The following MYO7A variants were observed in gnomAD, a reference collection of about 807,000 sequenced individuals.
The protein encoded by MYO7A is myosin VIIA.
In MYO7A, 210 loss-of-function variants were observed where a neutral mutation model predicts 263.8. That is an observed-to-expected ratio of 0.80 (90% CI 0.71 to 0.89). MYO7A has a LOEUF of 0.89. MYO7A is among the 40% of genes least tolerant of loss of function. The pLI is 0.00. For synonymous variants in MYO7A, 1,239 were observed against 1,197.3 expected, an observed-to-expected ratio of 1.03 and a Z score of -0.72; for missense variants, 2,820 against 2,968.3, an observed-to-expected ratio of 0.95 and a Z score of 1.16.
chr11:77,134,053 C>T (rs1950843976), intron 2 of MYO7A, among the ~76,000 whole-genome samples: 2 of 152,130 alleles, frequency 1.3e-5, no homozygotes, highest in South Asian at 4.1e-4. Flanking sequence ...CCTCAGCCTC[C>T]CAAGTAGCTG....
In MYO7A at chr11:77,194,517, A is replaced by G; in HGVS notation, c.4316A>G (p.His1439Arg). 2 of 1,597,548 alleles carry G rather than the reference A, an allele frequency of 1.3e-6. No individual in the cohort carries two copies. Among genetic ancestry groups the G allele is most frequent in the Non-Finnish European group, 1.7e-6 (2 of 1,172,460 alleles). The change falls in exon 32 of 49, where the codon CAC (histidine) becomes CGC (arginine). Residue 1439 changes from histidine to arginine, a missense_variant. Coordinates refer to ENST00000409709, the MANE Select transcript of MYO7A (RefSeq NM_000260.4). ...TGGGCCCAGCTGGCCATCGCCGCCCACAAGAAGGTAGAAGGGCTGAGAGGA... is the reference window on the plus strand; with the variant it reads ...TGGGCCCAGCTGGCCATCGCCGCCCGCAAGAAGGTAGAAGGGCTGAGAGGA... ...EKWAQLAIAA[H>R]KKGIYAQRRT... is the part of the protein sequence containing the mutation.
Position 77,189,415 on chromosome 11 carries a change from G to A in MYO7A, c.3575G>A (p.Trp1192Ter). ...NPSKSSYARG[W>*]ILVSLCVGCF... ...TCCAAGAGCAGCTATGCCCGGGGCT[G>A]GATTCTCGTGTCTCTCTGCGTGGGC... The change falls in exon 28 of 49, where the codon TGG becomes TAG. Residue 1192 changes from tryptophan to a stop codon, truncating the protein, a stop_gained. Coordinates refer to ENST00000409709, the MANE Select transcript of MYO7A (RefSeq NM_000260.4). LOFTEE classifies it high-confidence loss of function. 1 of 1,613,930 alleles carries A rather than the reference G, an allele frequency of 6.2e-7. No homozygotes were observed. The highest frequency in any genetic ancestry group is 8.5e-7 in the Non-Finnish European group (1 of 1,179,898).
chr11:77,167,432 G>A (rs1457141761), intron 15 of MYO7A, among the ~76,000 whole-genome samples: 2 of 152,126 alleles, frequency 1.3e-5, no homozygotes, highest in Non-Finnish European at 2.9e-5. Flanking sequence ...TTGCAGATGA[G>A]AGACTGAGGC....
intron 39 of MYO7A, among the ~76,000 whole-genome samples, chr11:77,205,042 G>A (rs370840564): frequency 3.3e-5 from 5 of 152,186 alleles, no homozygotes; most frequent in African/African-American, 9.7e-5. Context: ...GGTCTAACTC[G>A]TTGCCACTCA....
chr11:77,205,990 G>A, intron 40 of MYO7A, 107 bp from the exon 41 acceptor site: 1 of 853,248 alleles, frequency 1.2e-6, no homozygotes, highest in East Asian at 2.7e-5. Flanking sequence ...ATCATAGGAA[G>A]TGGCAGGCGG....
At chr11:77,206,320 C>T (rs1481509042) in intron 41 of MYO7A, 118 bp downstream of exon 41, 5 of 755,668 alleles carry the variant, frequency 6.6e-6, no homozygotes, top group East Asian at 5.5e-5. Flanking sequence ...GCCTCGTCCT[C>T]CTGCCCCGTA....
In MYO7A at chr11:77,130,721, C is replaced by T. The variant is rs550749576; in HGVS notation, c.18+69C>T. ...ATATCCCCTCATCCATATGCTTACC[C>T]GTGGGACACCCTCCCCAGGGTGTTC... On this transcript the variant is annotated intron_variant, in intron 2 of 48. Transcript: ENST00000409709. 1.1e-4 allele frequency: 165 copies of T among 1,548,838 alleles called. No homozygotes were observed. In the African/African-American group the frequency reaches 1.7e-3, roughly 16 times the overall value.
At chr11:77,172,132 T>C (rs1315067070) in intron 15 of MYO7A, among the ~76,000 whole-genome samples, 2 of 151,800 alleles carry the variant, frequency 1.3e-5, no homozygotes, top group African/African-American at 4.8e-5. Flanking sequence ...TGCCCACAGG[T>C]TTCCAGAAGG....
rs2135758154 is a variant in MYO7A at position 77,208,455 on chromosome 11, T to A, written c.5882T>A (p.Phe1961Tyr). The A allele has an allele frequency of 6.2e-7, 1 of 1,613,618 alleles. No individual in the cohort carries two copies. Among genetic ancestry groups the A allele is most frequent in the Non-Finnish European group, 8.5e-7 (1 of 1,179,694 alleles). Reference sequence around the variant, plus strand: ...GTCCTCAGCGTTCCTGAGAATGACTTCTTCTTTGACTTTGTTCGACACTTG... The same window carrying A: ...GTCCTCAGCGTTCCTGAGAATGACTACTTCTTTGACTTTGTTCGACACTTG... ...DKVLSVPEND[F>Y]FFDFVRHLTD... Residue 1961 changes from phenylalanine to tyrosine, a missense_variant, in exon 43 of 49, where the codon TTC (phenylalanine) becomes TAC (tyrosine). Coordinates refer to ENST00000409709, the MANE Select transcript of MYO7A (RefSeq NM_000260.4).
chr11:77,192,322 C>T (rs1323399830), intron 31 of MYO7A, 44 bp downstream of exon 31: 37 of 1,583,698 alleles, frequency 2.3e-5, no homozygotes, highest in Non-Finnish European at 3.1e-5. Flanking sequence ...TGGCTCACAG[C>T]CTCCTGCTTT....
Position 77,213,986 on chromosome 11 carries a change from G to C in MYO7A, c.6558+7G>C. On this transcript the variant is annotated splice_region_variant and intron_variant, in intron 48 of 48. Transcript: ENST00000409709. ...GCTCTGCGAGACGTCACTGGTGAGG[G>C]CGCATCCTGCTGGGCCTAGTGGGCT... is the stretch of plus-strand genomic sequence containing the variant. 1 of 1,614,030 alleles carries C rather than the reference G, an allele frequency of 6.2e-7. No individual in the cohort carries two copies. Among genetic ancestry groups the C allele is most frequent in the Non-Finnish European group, 8.5e-7 (1 of 1,179,892 alleles).
intron 32 of MYO7A, 148 bp downstream of exon 32, chr11:77,194,672 T>G (rs1956506955): frequency 1.2e-6 from 1 of 856,066 alleles, no homozygotes; most frequent in Admixed American, 2.9e-5. Context: ...ATCAGCTCAC[T>G]CATTCTCCTT....
intron 12 of MYO7A, among the ~76,000 whole-genome samples, chr11:77,161,903 G>C (rs1555069054): frequency 4.6e-5 from 7 of 152,190 alleles, no homozygotes; most frequent in Non-Finnish European, 1.0e-4. Flanking sequence ...CTGGCTCACA[G>C]AGTGACCCTA....
chr11:77,203,157 C>T lies in MYO7A; in HGVS notation c.5266C>T (p.Leu1756=), dbSNP rs1238337322. The T allele has an allele frequency of 7.1e-6, 11 of 1,551,380 alleles. No homozygotes were observed. The East Asian group carries it at 2.4e-4, about 34-fold the overall frequency. The change falls in exon 38 of 49, where the codon CTG becomes TTG. Residue 1756 remains leucine, a synonymous_variant. Coordinates refer to ENST00000409709, the MANE Select transcript of MYO7A (RefSeq NM_000260.4). ...SHTREPLKQA[L]LKKLLGSEEL... ...CACGCGGGAACCGCTCAAGCAGGCG[C>T]TGCTCAAGAAGCTCCTGGGCAGTGA...
chr11:77,182,155 G>T lies in MYO7A; in HGVS notation c.3108+1G>T. ...CCATGACGACGAGGGTGACCAGCTG[G>T]TAAGGCCTGCCTGTCACTAGGTCAC... On this transcript the variant is annotated splice_donor_variant, in intron 24 of 48. Coordinates refer to ENST00000409709, the MANE Select transcript of MYO7A (RefSeq NM_000260.4). LOFTEE classifies it high-confidence loss of function. The T allele has an allele frequency of 6.2e-7, 1 of 1,613,168 alleles. No homozygotes were observed. The highest frequency in any genetic ancestry group is 8.5e-7 in the Non-Finnish European group (1 of 1,179,838).
chr11:77,206,325 C>A, intron 41 of MYO7A, 123 bp downstream of exon 41: 1 of 723,298 alleles, frequency 1.4e-6, no homozygotes, highest in Non-Finnish European at 2.3e-6. Flanking sequence ...GTCCTCCTGC[C>A]CCGTAGTGGA....
At chr11:77,193,892 C>T (rs546255327) in intron 31 of MYO7A, 10 of 410,882 alleles carry the variant, frequency 2.4e-5, no homozygotes, top group South Asian at 1.1e-4. Context: ...AAGTGCTTAA[C>T]GGTGGTAATG....
intron 21 of MYO7A, 73 bp from the exon 22 acceptor site, chr11:77,180,301 G>A (rs1259232470): frequency 7.5e-6 from 10 of 1,330,184 alleles, no homozygotes; most frequent in African/African-American, 1.5e-5. Context: ...AGTTGGGTGG[G>A]TGGAGCTGGT....
At chr11:77,134,329 C>G (rs546389837) in intron 2 of MYO7A, among the ~76,000 whole-genome samples, 1 of 152,286 alleles carries the variant, frequency 6.6e-6, no homozygotes, top group East Asian at 1.9e-4. Flanking sequence ...ATCTCTCCCC[C>G]TTTATGTTAT....
Sources: allele counts gnomAD v4.1 joint callset (sites outside exome capture counted in the v4.1 genomes callset), GRCh38; gene constraint gnomAD v4.1.1; transcripts MANE v1.5; gene names NCBI Gene and HGNC (gene_info 2026-07-23, HGNC 2026-07-21).